Variants in MCF2L observed in about 807,000 individuals in gnomAD.
MCF2L encodes the protein MCF.2 cell line derived transforming sequence like, also known as guanine nucleotide exchange factor DBS.
In MCF2L, 97 loss-of-function variants were observed where a neutral mutation model predicts 153.4. The observed-to-expected ratio is 0.63, with a 90% CI of 0.54 to 0.75. The LOEUF (loss-of-function observed/expected upper bound fraction) is 0.75. MCF2L is among the 30% of genes least tolerant of loss of function. MCF2L has a pLI of 0.00. For synonymous variants in MCF2L, 659 were observed against 632.2 expected (o/e 1.04, Z -0.64); for missense variants, 1,347 against 1,495.2 (o/e 0.90, Z 1.64).
intron 2 of MCF2L, among the ~76,000 whole-genome samples, chr13:112,940,394 C>T (rs771063386): frequency 2.0e-5 from 3 of 152,204 alleles, no homozygotes; most frequent in Non-Finnish European, 4.4e-5. Context: ...GAACTGAATG[C>T]AGAATTCCGG....
At chr13:112,922,985 T>C (rs1224555293) in intron 2 of MCF2L, among the ~76,000 whole-genome samples, 2 of 152,228 alleles carry the variant, frequency 1.3e-5, no homozygotes, top group Admixed American at 1.3e-4. Context: ...GGTGCCTCTT[T>C]ATGTTAAAAG....
At chr13:112,910,750 C>T (rs910956530) in intron 2 of MCF2L, 1 of 152,288 alleles carries the variant, frequency 6.6e-6, no homozygotes, top group Non-Finnish European at 1.5e-5. Context: ...TTCCTGCCCC[C>T]CGGTCCCCTG....
intron 26 of MCF2L, chr13:113,090,930 G>C (rs574351125): frequency 1.7e-6 from 2 of 1,192,086 alleles, no homozygotes; most frequent in Non-Finnish European, 2.1e-6. Context: ...ATGCCCTCCC[G>C]GCCCCTCCTT....
intron 26 of MCF2L, chr13:113,090,975 C>G: frequency 8.2e-7 from 1 of 1,225,292 alleles, no homozygotes; most frequent in Non-Finnish European, 1.0e-6. Context: ...GTGTTTTGCT[C>G]ACAGAAGCTC....
In MCF2L at chr13:112,898,091, G is replaced by A. The variant is rs181245245; in HGVS notation, c.-5+3660G>A. On this transcript the variant is annotated intron_variant, in intron 1 of 29. Coordinates refer to the MCF2L transcript ENST00000375608. ...GCCGCCGCCCCCACCTCTACTCCAC[G>A]TTATTATTAATACTGGCGATTTACA... Among the ~76,000 whole-genome samples, 58 of 152,324 alleles carry A rather than the reference G, an allele frequency of 3.8e-4. No individual in the cohort carries two copies. The East Asian group carries it at 4.8e-3, about 13-fold the overall frequency.
rs150970386 is a variant in MCF2L at position 112,928,918 on chromosome 13, A to T, written c.169+26547A>T. Among the ~76,000 whole-genome samples, 566 of 152,328 alleles carry T rather than the reference A, an allele frequency of 3.7e-3. 2 individuals carry two copies. The highest frequency in any genetic ancestry group is 5.9e-3 in the Non-Finnish European group (399 of 68,030). Reference sequence around the variant, plus strand: ...CTCCTCCCAGCTGACAGTCTGTGGCATCTGCAGTGGGGCTGTCTGTGGCTG... The same window carrying T: ...CTCCTCCCAGCTGACAGTCTGTGGCTTCTGCAGTGGGGCTGTCTGTGGCTG... On this transcript the variant is annotated intron_variant, in intron 2 of 29. Coordinates refer to the MCF2L transcript ENST00000375608.
At chr13:113,080,488 A>G (rs571121258) in intron 15 of MCF2L, among the ~76,000 whole-genome samples, 1 of 152,330 alleles carries the variant, frequency 6.6e-6, no homozygotes, top group South Asian at 2.1e-4. Flanking sequence ...TCTTAGAACA[A>G]GCTTGCTGAA....
intron 2 of MCF2L, among the ~76,000 whole-genome samples, chr13:112,949,525 C>T (rs2081669710): frequency 1.3e-5 from 2 of 152,066 alleles, no homozygotes; most frequent in East Asian, 1.9e-4. Context: ...GAGAATTATC[C>T]ACCATGACCA....
Position 113,094,514 on chromosome 13 carries a change from G to A in MCF2L, c.2954G>A (p.Gly985Asp), listed in dbSNP as rs766760570. ...PLTKPPEKGK[G>D]WSKTSHSLEA... ...CCTCACGGGTGTCTGTCTCTCTTAG[G>A]TTGGAGCAAAACGTCCCACTCACTG... Residue 985 changes from glycine (G) to aspartate (D), a missense_variant and splice_region_variant, in exon 27 of 30, where the codon GGT becomes GAT. Gly to Asp is a moderately conservative substitution (Grantham distance 94). This residue lies in a region of MCF2L where 383 missense variants were observed against 335.4 expected (regional missense o/e 1.14). Coordinates refer to ENST00000535094, the MANE Select transcript of MCF2L (RefSeq NM_001112732.3). The A allele has an allele frequency of 6.2e-7, 1 of 1,610,768 alleles. No homozygotes were observed. The highest frequency in any genetic ancestry group is 1.7e-5 in the Admixed American group (1 of 59,644).
chr13:113,083,853 G>T (rs565291648), intron 17 of MCF2L, 145 bp from the exon 18 acceptor site: 8 of 691,714 alleles, frequency 1.2e-5, no homozygotes, highest in Admixed American at 4.3e-5. Flanking sequence ...CAGGACAGGC[G>T]TGGCTGCGGC....
intron 3 of MCF2L, among the ~76,000 whole-genome samples, chr13:113,041,299 G>C (rs947835312): frequency 1.3e-5 from 2 of 152,204 alleles, no homozygotes; most frequent in Non-Finnish European, 2.9e-5. Context: ...GCATAGATCC[G>C]AGCTCCGTGA....
intron 1 of MCF2L, among the ~76,000 whole-genome samples, chr13:112,998,650 C>CTTGG (rs1183688994): frequency 6.6e-6 from 1 of 152,202 alleles, no homozygotes; most frequent in Non-Finnish European, 1.5e-5. Context: ...TTGGCCTGGA[C>CTTGG]TTGGCTTCTC....
intron 1 of MCF2L, among the ~76,000 whole-genome samples, chr13:112,895,990 T>C (rs1345431963): frequency 1.3e-5 from 2 of 152,222 alleles, no homozygotes; most frequent in Non-Finnish European, 2.9e-5. Flanking sequence ...CCTGGGGGCC[T>C]GACAGAATTG....
At chr13:113,090,180 C>T in intron 26 of MCF2L, 1 of 1,519,422 alleles carries the variant, frequency 6.6e-7, no homozygotes, top group East Asian at 2.6e-5. Context: ...GTGCCTGCCC[C>T]AAACCCACCC....
In MCF2L at chr13:113,096,835, C is replaced by T. The variant is rs1276197278; in HGVS notation, c.3354C>T (p.Ala1118=). The T allele has an allele frequency of 1.3e-6, 2 of 1,516,016 alleles. No homozygotes were observed. The highest frequency in any genetic ancestry group is 1.8e-6 in the Non-Finnish European group (2 of 1,142,540). 93.9% of individuals were successfully genotyped at this position (1,516,016 alleles called of 1,614,324 possible). ...CCAGCTGCAGCGAGGGCGGCCAGGCCCCCTTCTCCGACCTGCAGGGGTAGC... is the reference window on the plus strand; with the variant it reads ...CCAGCTGCAGCGAGGGCGGCCAGGCTCCCTTCTCCGACCTGCAGGGGTAGC... The part of the protein sequence containing the change: ...NSSSCSEGGQ[A]PFSDLQG Residue 1118 remains alanine, a synonymous_variant, in exon 30 of 30, where the codon GCC becomes GCT. Coordinates refer to ENST00000535094, the MANE Select transcript of MCF2L (RefSeq NM_001112732.3).
chr13:112,981,529 G>A (rs373524539), intron 1 of MCF2L, among the ~76,000 whole-genome samples: 3 of 152,266 alleles, frequency 2.0e-5, no homozygotes, highest in Admixed American at 6.5e-5. Context: ...AGTGTGCACC[G>A]AGCCCTGGTC....
intron 2 of MCF2L, among the ~76,000 whole-genome samples, chr13:112,962,446 C>G (rs1477989230): frequency 6.6e-6 from 1 of 152,218 alleles, no homozygotes; most frequent in Non-Finnish European, 1.5e-5. Flanking sequence ...TCGGCTGGGC[C>G]TGCTGTGCTG....
chr13:112,969,738 C>T lies in MCF2L; in HGVS notation c.79+280C>T, dbSNP rs1488104580. On this transcript the variant is annotated intron_variant, in intron 1 of 29. Coordinates refer to ENST00000535094, the MANE Select transcript of MCF2L (RefSeq NM_001112732.3). The surrounding 1 kb of genome is among the most constrained non-coding windows in gnomAD (Gnocchi z 4.8). ...AGCCATTTGTGTGTCTGAAGTCTGCCCATCAACCTGCCTGTCCGCAGCCCT... is the reference window on the plus strand; with the variant it reads ...AGCCATTTGTGTGTCTGAAGTCTGCTCATCAACCTGCCTGTCCGCAGCCCT... Among the ~76,000 whole-genome samples, 1 of 152,096 alleles carries T rather than the reference C, an allele frequency of 6.6e-6. No individual in the cohort carries two copies. The highest frequency in any genetic ancestry group is 1.5e-5 in the Non-Finnish European group (1 of 68,006).
chr13:113,097,510 A>G lies in MCF2L; in HGVS notation c.*651A>G, dbSNP rs748851613. On this transcript the variant is annotated 3_prime_UTR_variant, in exon 30 of 30. Coordinates refer to ENST00000535094, the MANE Select transcript of MCF2L (RefSeq NM_001112732.3). ...TGGCACTCCCTGAAGCTCCCTGGTC[A>G]CAGGTGGATGAAAACGTGTCCGTGG... 1 of 152,206 alleles carries G rather than the reference A, an allele frequency of 6.6e-6. No individual in the cohort carries two copies. Among genetic ancestry groups the G allele is most frequent in the Non-Finnish European group, 1.5e-5 (1 of 68,036 alleles). 9.4% of individuals were successfully genotyped at this position (152,206 alleles called of 1,614,324 possible). A position where few individuals can be genotyped will look rare whatever the true frequency, so the allele number is the denominator to read the frequency against.
Sources: allele counts gnomAD v4.1 joint callset (sites outside exome capture counted in the v4.1 genomes callset), GRCh38; gene constraint gnomAD v4.1.1; regional missense constraint gnomAD v4.1.1; non-coding constraint Gnocchi (gnomAD v3.1); transcripts MANE v1.5; gene names NCBI Gene and HGNC (gene_info 2026-07-23, HGNC 2026-07-21).